UGGT2: variants seen among roughly 807,000 people sequenced by gnomAD.
The protein encoded by UGGT2 is UDP-glucose:glycoprotein glucosyltransferase 2.
A neutral mutation model predicts 192.1 loss-of-function variants in UGGT2; 180 were observed. The ratio of observed to expected loss-of-function variants is 0.94; its 90% CI spans 0.83 to 1.06. UGGT2 has a LOEUF of 1.06. Ranked by LOEUF, UGGT2 falls within the 50% of genes least tolerant of loss-of-function variation. UGGT2 has a pLI of 0.00. For missense variants in UGGT2, 1,849 were observed against 1,795.7 expected (o/e 1.03, Z -0.54); for synonymous variants, 580 against 591.0 (o/e 0.98, Z 0.27).
intron 38 of UGGT2, among the ~76,000 whole-genome samples, chr13:95,827,470 G>A (rs576067800): frequency 2.0e-5 from 3 of 152,120 alleles, no homozygotes; most frequent in East Asian, 1.9e-4. Flanking sequence ...AAGGAGAGAC[G>A]TCTGTGTTAA....
intron 5 of UGGT2, among the ~76,000 whole-genome samples, chr13:96,000,275 A>AG (rs2051756791): frequency 6.6e-6 from 1 of 152,216 alleles, no homozygotes; most frequent in African/African-American, 2.4e-5. Flanking sequence ...GAACTTTAGT[A>AG]GTGTGTTATT....
At chr13:95,855,948 A>G (rs1889568027) in intron 34 of UGGT2, among the ~76,000 whole-genome samples, 1 of 152,192 alleles carries the variant, frequency 6.6e-6, no homozygotes, top group Non-Finnish European at 1.5e-5. Context: ...CCATGTCCTA[A>G]ATAATAAATG....
intron 20 of UGGT2, among the ~76,000 whole-genome samples, chr13:95,905,140 GTTGT>G (rs536059059): frequency 0.019 from 2,957 of 152,240 alleles, 52 homozygotes; most frequent in Non-Finnish European, 0.029. Context: ...TTGTGATGGG[GTTGT>G]TTGTTTTTTT....
At chr13:95,869,561 T>C (rs577570555) in intron 29 of UGGT2, among the ~76,000 whole-genome samples, 8 of 152,334 alleles carry the variant, frequency 5.3e-5, no homozygotes, top group African/African-American at 1.9e-4. Context: ...AAGCACTTCA[T>C]AGATGCTCAC....
chr13:95,991,974 C>CGTTA (rs1314928673), intron 7 of UGGT2, among the ~76,000 whole-genome samples: 2 of 152,068 alleles, frequency 1.3e-5, no homozygotes, highest in Non-Finnish European at 2.9e-5. Flanking sequence ...ACCATCCTGG[C>CGTTA]TAACATGGTG....
At chr13:95,805,391 AATATTCAT>A (rs1488539322) in intron 38 of UGGT2, among the ~76,000 whole-genome samples, 1 of 152,136 alleles carries the variant, frequency 6.6e-6, no homozygotes. Context: ...AGGTTCCTTA[AATATTCAT>A]ATGATTTGGC....
At chr13:95,971,567 C>G (rs1354219316) in intron 11 of UGGT2, among the ~76,000 whole-genome samples, 2 of 152,148 alleles carry the variant, frequency 1.3e-5, no homozygotes, top group Non-Finnish European at 2.9e-5. Flanking sequence ...TTTCCTCATA[C>G]ACTACCTTAG....
intron 2 of UGGT2, among the ~76,000 whole-genome samples, chr13:96,024,528 G>A (rs2052607768): frequency 1.3e-5 from 2 of 152,154 alleles, no homozygotes; most frequent in African/African-American, 4.8e-5. Context: ...ACTCTTCCCT[G>A]GGTGTAACCA....
intron 38 of UGGT2, among the ~76,000 whole-genome samples, chr13:95,810,827 AC>A (rs1213460523): frequency 6.6e-6 from 1 of 152,220 alleles, no homozygotes; most frequent in African/African-American, 2.4e-5. Context: ...TGAAAAGACA[AC>A]CAAAGATGGG....
chr13:95,952,841 CAT>C (rs2050108193), intron 12 of UGGT2, among the ~76,000 whole-genome samples: 1 of 152,108 alleles, frequency 6.6e-6, no homozygotes, highest in Non-Finnish European at 1.5e-5. Flanking sequence ...TCTCCATACT[CAT>C]GTGGAAAAGA....
chr13:95,819,558 A>T (rs73556742), intron 38 of UGGT2, among the ~76,000 whole-genome samples: 1,736 of 152,110 alleles, frequency 0.011, 35 homozygotes, highest in African/African-American at 0.04. Flanking sequence ...ATGTATCTAT[A>T]CTTCGGTAAA....
At chr13:95,931,590 C>T (rs999580575) in intron 17 of UGGT2, among the ~76,000 whole-genome samples, 3 of 151,968 alleles carry the variant, frequency 2.0e-5, no homozygotes, top group Non-Finnish European at 4.4e-5. Flanking sequence ...TGGCGGGCTG[C>T]GGGTCCCAAG....
chr13:95,990,010 G>T lies in UGGT2; in HGVS notation c.894C>A (p.Asn298Lys). 6.2e-7 allele frequency: 1 copy of T among 1,607,100 alleles called. No homozygotes were observed. Residue 298 changes from asparagine (N) to lysine (K), a missense_variant, in exon 8 of 39, where the codon AAC becomes AAA. Asn to Lys is a moderately conservative substitution (Grantham distance 94, BLOSUM62 0). Coordinates refer to ENST00000376747, the MANE Select transcript of UGGT2 (RefSeq NM_020121.4). The part of the protein sequence containing the change: ...TAFQKYLIES[N>K]KQMMPLKVWE... ...AGACTTTCAAAGGCATCATTTGTTT[G>T]TTACTCTCAATCAGGTATTTTTGGA... is the stretch of plus-strand genomic sequence containing the variant.
At chr13:95,826,470 C>A (rs1886054250) in intron 38 of UGGT2, among the ~76,000 whole-genome samples, 1 of 151,726 alleles carries the variant, frequency 6.6e-6, no homozygotes. Flanking sequence ...TGGAAAAACC[C>A]AAGAGAATAA....
At chr13:96,029,169 A>G (rs2139146551) in intron 2 of UGGT2, among the ~76,000 whole-genome samples, 1 of 152,246 alleles carries the variant, frequency 6.6e-6, no homozygotes, top group South Asian at 2.1e-4. Context: ...ATCTCTGCTC[A>G]TTATTTCTCA....
intron 17 of UGGT2, among the ~76,000 whole-genome samples, chr13:95,935,148 A>G (rs941869433): frequency 2.2e-4 from 33 of 152,096 alleles, no homozygotes; most frequent in African/African-American, 6.5e-4. Context: ...TTTTTATCCA[A>G]TTGCCACTCT....
chr13:95,940,135 A>G (rs950955665), intron 15 of UGGT2, 44 bp from the exon 16 acceptor site: 1 of 1,359,986 alleles, frequency 7.4e-7, no homozygotes, highest in Non-Finnish European at 9.8e-7. Context: ...TCTTATAGCA[A>G]TTAGTTTTCT....
At chr13:96,037,807 T>C (rs1299866329) in intron 1 of UGGT2, among the ~76,000 whole-genome samples, 1 of 152,216 alleles carries the variant, frequency 6.6e-6, no homozygotes, top group Non-Finnish European at 1.5e-5. Context: ...TCAACCTCTT[T>C]GCTTTTCCTA....
chr13:95,937,175 T>C (rs1479714307), intron 16 of UGGT2, 87 bp from the exon 17 acceptor site: 1 of 1,384,694 alleles, frequency 7.2e-7, no homozygotes, highest in Non-Finnish European at 9.8e-7. Flanking sequence ...GCCACATTTT[T>C]ATATGCCATA....
Sources: gnomAD v4.1 joint callset for allele counts (sites outside exome capture counted in the v4.1 genomes callset) on GRCh38, gnomAD v4.1.1 for gene constraint, MANE v1.5 for transcripts, NCBI Gene and HGNC (gene_info 2026-07-23, HGNC 2026-07-21) for gene names.